The following SLC24A2 variants were observed in gnomAD, a reference collection of about 807,000 sequenced individuals.
SLC24A2 encodes sodium/potassium/calcium exchanger 2.
In SLC24A2, 36 loss-of-function variants were observed where a neutral mutation model predicts 62.0. The ratio of observed to expected loss-of-function variants is 0.58; its 90% CI spans 0.44 to 0.77. The LOEUF (loss-of-function observed/expected upper bound fraction) is 0.77, where lower values mean the gene tolerates loss of function less well. SLC24A2 is among the 30% of genes least tolerant of loss of function. SLC24A2 has a pLI of 0.00. For missense variants in SLC24A2, 846 were observed against 817.9 expected (o/e 1.03, Z -0.42); for synonymous variants, 358 against 294.0 (o/e 1.22, Z -2.23).
chr9:19,973,998 C>T, the SLC24A2 span, among the ~76,000 whole-genome samples: 1 of 152,162 alleles, frequency 6.6e-6, no homozygotes, highest in African/African-American at 2.4e-5. Context: ...AATTTGTGAT[C>T]TATTCACATT....
intron 8 of SLC24A2, among the ~76,000 whole-genome samples, chr9:19,545,436 A>ATGAAACTCAT (rs1834504748): frequency 6.6e-6 from 1 of 152,012 alleles, no homozygotes; most frequent in Non-Finnish European, 1.5e-5. Flanking sequence ...CTGTCGAGTC[A>ATGAAACTCAT]TGAAACTCAT....
At chr9:20,238,085 G>A in the SLC24A2 span, among the ~76,000 whole-genome samples, 21 of 152,150 alleles carry the variant, frequency 1.4e-4, no homozygotes, top group Non-Finnish European at 2.6e-4. Context: ...ACTGACATGT[G>A]GGTGGTCCAG....
chr9:19,949,760 T>C, the SLC24A2 span, among the ~76,000 whole-genome samples: 1 of 152,238 alleles, frequency 6.6e-6, no homozygotes, highest in Non-Finnish European at 1.5e-5. Context: ...GGTTCATTAC[T>C]GACCATGTGG....
At chr9:19,973,903 T>C in the SLC24A2 span, among the ~76,000 whole-genome samples, 6 of 152,190 alleles carry the variant, frequency 3.9e-5, no homozygotes, top group Non-Finnish European at 5.9e-5. Flanking sequence ...TAGCTAAATG[T>C]TTGCATGTTT....
At chr9:20,153,846 C>T in the SLC24A2 span, among the ~76,000 whole-genome samples, 1 of 151,862 alleles carries the variant, frequency 6.6e-6, no homozygotes, top group African/African-American at 2.4e-5. Flanking sequence ...TTTCTGTCTG[C>T]AGTTTCTAAA....
the SLC24A2 span, among the ~76,000 whole-genome samples, chr9:19,864,038 T>A: frequency 6.6e-6 from 1 of 151,916 alleles, no homozygotes; most frequent in African/African-American, 2.4e-5. Flanking sequence ...GGATCGTTAG[T>A]GGCTACTATG....
At chr9:20,142,528 G>C in the SLC24A2 span, among the ~76,000 whole-genome samples, 1 of 151,980 alleles carries the variant, frequency 6.6e-6, no homozygotes, top group Non-Finnish European at 1.5e-5. Context: ...AAGTTTCTAC[G>C]ACACAACTAT....
chr9:19,605,341 AG>A (rs1331743619), intron 4 of SLC24A2, among the ~76,000 whole-genome samples: 1 of 152,220 alleles, frequency 6.6e-6, no homozygotes, highest in Admixed American at 6.5e-5. Flanking sequence ...ATTTTTTTCA[AG>A]TCTGCTCAAT....
the SLC24A2 span, among the ~76,000 whole-genome samples, chr9:20,006,348 G>C: frequency 4.0e-5 from 6 of 151,346 alleles, no homozygotes; most frequent in African/African-American, 1.5e-4. Context: ...AGGGGAGGGG[G>C]GATGGTTAAT....
chr9:19,896,027 A>G, the SLC24A2 span: 7 of 1,423,070 alleles, frequency 4.9e-6, no homozygotes, highest in East Asian at 1.2e-4. Flanking sequence ...GGGAAGCCAC[A>G]GCAGGTCCCC....
chr9:20,303,896 G>A, the SLC24A2 span, among the ~76,000 whole-genome samples: 2 of 152,162 alleles, frequency 1.3e-5, no homozygotes, highest in African/African-American at 2.4e-5. Flanking sequence ...AGTGGGTGCT[G>A]TGCATCTTAT....
chr9:20,164,751 T>C, the SLC24A2 span, among the ~76,000 whole-genome samples: 1 of 151,552 alleles, frequency 6.6e-6, no homozygotes, highest in African/African-American at 2.4e-5. Context: ...CCAACAATGA[T>C]AGACTGGATT....
the SLC24A2 span, among the ~76,000 whole-genome samples, chr9:20,293,528 C>G: frequency 6.6e-6 from 1 of 152,162 alleles, no homozygotes; most frequent in African/African-American, 2.4e-5. Context: ...TTGGATCCTC[C>G]CCTACCTTGA....
chr9:20,110,799 C>G, the SLC24A2 span, among the ~76,000 whole-genome samples: 1 of 152,060 alleles, frequency 6.6e-6, no homozygotes, highest in Admixed American at 6.6e-5. Context: ...TCTTTCCTTC[C>G]TCTGGTTTTG....
the SLC24A2 span, among the ~76,000 whole-genome samples, chr9:20,173,571 C>A: frequency 6.6e-6 from 1 of 151,846 alleles, no homozygotes; most frequent in Non-Finnish European, 1.5e-5. Context: ...AGAACTCAAC[C>A]CCTTTTATAG....
intron 2 of SLC24A2, among the ~76,000 whole-genome samples, chr9:19,721,883 T>C (rs1821036196): frequency 1.3e-5 from 2 of 152,186 alleles, no homozygotes; most frequent in South Asian, 4.1e-4. Flanking sequence ...AACTGAAAAG[T>C]CACTAAATTA....
At chr9:19,834,878 C>T in the SLC24A2 span, among the ~76,000 whole-genome samples, 11 of 152,264 alleles carry the variant, frequency 7.2e-5, no homozygotes, top group East Asian at 3.9e-4. Context: ...GCGGATCTCT[C>T]GGCAGAAACC....
intron 2 of SLC24A2, among the ~76,000 whole-genome samples, chr9:19,649,373 T>C (rs2118145698): frequency 6.6e-6 from 1 of 152,144 alleles, no homozygotes; most frequent in Non-Finnish European, 1.5e-5. Flanking sequence ...ATTACAAAAT[T>C]GAAAGAAAGA....
chr9:19,594,812 C>A (rs887186381), intron 5 of SLC24A2, among the ~76,000 whole-genome samples: 1 of 151,972 alleles, frequency 6.6e-6, no homozygotes, highest in South Asian at 2.1e-4. Flanking sequence ...GGGGAGAGAC[C>A]CTTGAGAGTT....
Sources: allele counts gnomAD v4.1 joint callset (sites outside exome capture counted in the v4.1 genomes callset), GRCh38; gene constraint gnomAD v4.1.1; transcripts MANE v1.5; gene names NCBI Gene and HGNC (gene_info 2026-07-23, HGNC 2026-07-21).